Variants in GNA11 observed in about 807,000 individuals in gnomAD.
GNA11 encodes guanine nucleotide-binding protein subunit alpha-11.
In GNA11, 8 loss-of-function variants were observed where a neutral mutation model predicts 38.2. The ratio of observed to expected loss-of-function variants is 0.21; its 90% CI spans 0.12 to 0.38. The LOEUF is 0.38. Ranked by LOEUF, GNA11 falls within the 10% of genes least tolerant of loss-of-function variation. The pLI is 1.00. For synonymous variants in GNA11, 211 were observed against 221.4 expected (o/e 0.95, Z 0.42); for missense variants, 268 against 516.3 (o/e 0.52, Z 4.66).
rs1459495252 is a variant in GNA11 at position 3,121,383 on chromosome 19, C to T, written c.*204C>T. ...TACATCTCTCCCTCCGTACACTTCGCGCACCTTCTCACCTTTTGTCAACGG... is the reference window on the plus strand; with the variant it reads ...TACATCTCTCCCTCCGTACACTTCGTGCACCTTCTCACCTTTTGTCAACGG... On this transcript the variant is annotated 3_prime_UTR_variant, in exon 7 of 7. Transcript: ENST00000078429. 1.9e-5 allele frequency: 8 copies of T among 420,838 alleles called. No individual in the cohort carries two copies. The highest frequency in any genetic ancestry group is 4.1e-5 in the African/African-American group (2 of 48,734). 26.1% of individuals were successfully genotyped at this position (420,838 alleles called of 1,614,324 possible). A position where few individuals can be genotyped will look rare whatever the true frequency, so the allele number is the denominator to read the frequency against.
At chr19:3,097,572 C>CGT (rs771611338) in intron 1 of GNA11, among the ~76,000 whole-genome samples, 1 of 152,230 alleles carries the variant, frequency 6.6e-6, no homozygotes, top group Non-Finnish European at 1.5e-5. Context: ...AAGAACGCCG[C>CGT]GTCTGCTCGC....
At chr19:3,114,896 C>A in intron 3 of GNA11, 48 bp from the exon 4 acceptor site, 1 of 1,546,030 alleles carries the variant, frequency 6.5e-7, no homozygotes, top group Non-Finnish European at 8.8e-7. Flanking sequence ...CCCTGTCCTG[C>A]CCCCCCACCC....
rs1913695833 is a variant in GNA11, at chr19:3,108,752, G to A, written c.137-1397G>A. The stretch of plus-strand genomic sequence containing the variant: ...AGGGTTGGGAATGTGGGAGCACTTT[G>A]TTGAGTGATCCTGGCTTGGGGTCTC... On this transcript the variant is annotated intron_variant, in intron 1 of 6. Coordinates refer to ENST00000078429, the MANE Select transcript of GNA11 (RefSeq NM_002067.5). This position sits in a 1 kb window ranked among gnomAD's most constrained non-coding sequence, Gnocchi z 4.5. 1.3e-5 allele frequency among the ~76,000 whole-genome samples: 2 copies of A among 152,234 alleles called. No individual in the cohort carries two copies. The highest frequency in any genetic ancestry group is 4.1e-4 in the South Asian group (2 of 4,830).
chr19:3,110,143 C>A lies in GNA11; in HGVS notation c.137-6C>A. The A allele has an allele frequency of 1.2e-5, 19 of 1,594,208 alleles. No individual in the cohort carries two copies. The highest frequency in any genetic ancestry group is 1.6e-5 in the Non-Finnish European group (19 of 1,172,628). On this transcript the variant is annotated splice_region_variant and splice_polypyrimidine_tract_variant and intron_variant, in intron 1 of 6. Transcript: ENST00000078429. The surrounding 1 kb of genome is among the most constrained non-coding windows in gnomAD (Gnocchi z 5.4). ...GCCGCCCGCCCTCACGTGCCCCGTC[C>A]CCCAGGCACGGGCGAGAGCGGGAAG...
In GNA11 at chr19:3,121,382, G is replaced by T. The variant is rs1261865553; in HGVS notation, c.*203G>T. The T allele has an allele frequency of 9.5e-6, 4 of 419,850 alleles. No homozygotes were observed. The highest frequency in any genetic ancestry group is 6.0e-4 in the Middle Eastern group (1 of 1,662). The allele number at this position is 419,850 out of a possible 1,614,324, so 26.0% of individuals were successfully genotyped here. A position where few individuals can be genotyped will look rare whatever the true frequency, so the allele number is the denominator to read the frequency against. On this transcript the variant is annotated 3_prime_UTR_variant, in exon 7 of 7. Transcript: ENST00000078429. Reference sequence around the variant, plus strand: ...GTACATCTCTCCCTCCGTACACTTCGCGCACCTTCTCACCTTTTGTCAACG... The same window carrying T: ...GTACATCTCTCCCTCCGTACACTTCTCGCACCTTCTCACCTTTTGTCAACG...
chr19:3,113,160 C>G (rs1237171586), intron 2 of GNA11, among the ~76,000 whole-genome samples, 170 bp from the exon 3 acceptor site: 1 of 152,260 alleles, frequency 6.6e-6, no homozygotes, highest in South Asian at 2.1e-4. Flanking sequence ...CGCCAGGCGG[C>G]CTCGCGTTTT....
chr19:3,116,613 T>C (rs1242737523), intron 4 of GNA11, among the ~76,000 whole-genome samples: 1 of 152,246 alleles, frequency 6.6e-6, no homozygotes, highest in African/African-American at 2.4e-5. Context: ...GACGTTATCC[T>C]AACCAGTGAC....
At position 3,094,853 on chromosome 19, in the gene GNA11, G is replaced by C; in HGVS notation, c.136+66G>C. On this transcript the variant is annotated intron_variant, in intron 1 of 6. Transcript: ENST00000078429. This position sits in a 1 kb window ranked among gnomAD's most constrained non-coding sequence, Gnocchi z 6.0. Reference sequence around the variant, plus strand: ...CTGCCTGTGCCTGCCCTGCCTGTCCGGGTCGGGCCGGGACCCTCCGGGGTC... The same window carrying C: ...CTGCCTGTGCCTGCCCTGCCTGTCCCGGTCGGGCCGGGACCCTCCGGGGTC... The C allele has an allele frequency of 8.0e-7, 1 of 1,248,206 alleles. No individual in the cohort carries two copies. Among genetic ancestry groups the C allele is most frequent in the Non-Finnish European group, 1.1e-6 (1 of 942,564 alleles). 77.3% of individuals were successfully genotyped at this position (1,248,206 alleles called of 1,614,324 possible).
chr19:3,121,251 G>T lies in GNA11; in HGVS notation c.*72G>T. On this transcript the variant is annotated 3_prime_UTR_variant, in exon 7 of 7. Transcript: ENST00000078429. ...CCTTCCACGGAGCCTGCGGCTGCCGGGCGGGTGGCGCTGCCGAGTCCGGGC... is the reference window on the plus strand; with the variant it reads ...CCTTCCACGGAGCCTGCGGCTGCCGTGCGGGTGGCGCTGCCGAGTCCGGGC... 7.9e-7 allele frequency: 1 copy of T among 1,271,460 alleles called. No individual in the cohort carries two copies. 78.8% of individuals were successfully genotyped at this position (1,271,460 alleles called of 1,614,324 possible).
intron 2 of GNA11, 60 bp from the exon 3 acceptor site, chr19:3,113,270 C>T: frequency 1.3e-6 from 2 of 1,548,104 alleles, no homozygotes; most frequent in South Asian, 2.2e-5. Context: ...CCGTCACAAG[C>T]TTTCTGGTGG....
Position 3,120,654 on chromosome 19 carries a change from G to T in GNA11, c.890-335G>T, listed in dbSNP as rs1408086489. ...TCTCACCCTGGGCCTTCGCAGGGCAGCCATGCCAGAGGCCTGCCCTGGAAG... is the reference window on the plus strand; with the variant it reads ...TCTCACCCTGGGCCTTCGCAGGGCATCCATGCCAGAGGCCTGCCCTGGAAG... On this transcript the variant is annotated intron_variant, in intron 6 of 6. Transcript: ENST00000078429. The surrounding 1 kb of genome is among the most constrained non-coding windows in gnomAD (Gnocchi z 5.9). Among the ~76,000 whole-genome samples the T allele has an allele frequency of 1.3e-5, 2 of 152,174 alleles. No homozygotes were observed. The highest frequency in any genetic ancestry group is 2.9e-5 in the Non-Finnish European group (2 of 68,006).
intron 1 of GNA11, among the ~76,000 whole-genome samples, chr19:3,096,522 T>G (rs1334762968): frequency 2.6e-5 from 4 of 152,218 alleles, no homozygotes; most frequent in African/African-American, 9.6e-5. Context: ...CCCGGTCTTC[T>G]GTGCCTGCAC....
chr19:3,120,712 GGCAGAGGGCTGA>G lies in GNA11; in HGVS notation c.890-268_890-257del, dbSNP rs967900499. 2.0e-4 allele frequency among the ~76,000 whole-genome samples: 31 copies of G among 152,260 alleles called. No homozygotes were observed. Among genetic ancestry groups the G allele is most frequent in the South Asian group, 1.0e-3 (5 of 4,834 alleles). On this transcript the variant is annotated intron_variant, in intron 6 of 6. Transcript: ENST00000078429. The surrounding 1 kb of genome is among the most constrained non-coding windows in gnomAD (Gnocchi z 5.9). ...CTGTGGAGCTGAGTGGATAGAGGCC[GGCAGAGGGCTGA>G]GCAGAGGGAGCAGCGGTGGGTGCAG...
At chr19:3,115,250 T>A in intron 4 of GNA11, 178 bp downstream of exon 4, 4 of 620,554 alleles carry the variant, frequency 6.4e-6, no homozygotes, top group Admixed American at 6.7e-5. Context: ...AAAAAAATTT[T>A]AAAAATTAGC....
chr19:3,119,364 G>T lies in GNA11; in HGVS notation c.889+5G>T. The T allele has an allele frequency of 1.2e-6, 2 of 1,608,328 alleles. No individual in the cohort carries two copies. The highest frequency in any genetic ancestry group is 1.7e-6 in the Non-Finnish European group (2 of 1,178,894). On this transcript the variant is annotated splice_donor_5th_base_variant and intron_variant, in intron 6 of 6. Transcript: ENST00000078429. This position sits in a 1 kb window ranked among gnomAD's most constrained non-coding sequence, Gnocchi z 4.6. ...ACTACTTCCCCGAGTTCGATGGTGC[G>T]CCGGGCTGCGGCATGGGGAGGGGCT...
intron 4 of GNA11, 75 bp from the exon 5 acceptor site, chr19:3,118,845 TTGGG>T: frequency 7.4e-7 from 1 of 1,349,320 alleles, no homozygotes; most frequent in Non-Finnish European, 1.1e-6. Context: ...CAGGAGGGGC[TTGGG>T]TGGGAGCCGT....
Position 3,120,580 on chromosome 19 carries a change from C to G in GNA11, c.890-409C>G, listed in dbSNP as rs1431147569. Among the ~76,000 whole-genome samples, 1 of 152,148 alleles carries G rather than the reference C, an allele frequency of 6.6e-6. No homozygotes were observed. The highest frequency in any genetic ancestry group is 1.5e-5 in the Non-Finnish European group (1 of 68,004). On this transcript the variant is annotated intron_variant, in intron 6 of 6. Transcript: ENST00000078429. The surrounding 1 kb of genome is among the most constrained non-coding windows in gnomAD (Gnocchi z 5.9). ...CAGGGGCACCGTGGGTGGGTGGGGG[C>G]CACTGTTCCTGCTCTGTAGGCTCTG...
intron 3 of GNA11, 96 bp downstream of exon 3, chr19:3,113,580 C>T: frequency 4.3e-6 from 4 of 933,032 alleles, no homozygotes; most frequent in Non-Finnish European, 3.1e-6. Flanking sequence ...TGTGGTGCCC[C>T]CTGCCTGCTC....
At chr19:3,109,405 C>A (rs1010958515) in intron 1 of GNA11, among the ~76,000 whole-genome samples, 3 of 152,186 alleles carry the variant, frequency 2.0e-5, no homozygotes, top group African/African-American at 4.8e-5. Context: ...TCCTCTGGGG[C>A]CCTGGGACCA....
Sources: gnomAD v4.1 joint callset for allele counts (sites outside exome capture counted in the v4.1 genomes callset) on GRCh38, gnomAD v4.1.1 for gene constraint, Gnocchi (gnomAD v3.1) non-coding constraint, MANE v1.5 for transcripts, NCBI Gene and HGNC (gene_info 2026-07-23, HGNC 2026-07-21) for gene names.